The following PCDH9 variants were observed in gnomAD, a reference collection of about 807,000 sequenced individuals.
PCDH9 encodes the protein protocadherin 9.
Under a neutral mutation model 70.6 loss-of-function variants are expected in PCDH9, and 24 were observed. The ratio of observed to expected loss-of-function variants is 0.34; its 90% CI spans 0.25 to 0.48. The LOEUF is 0.48. Ranked by LOEUF, PCDH9 falls within the 20% of genes least tolerant of loss-of-function variation. The probability of loss-of-function intolerance (pLI) is 0.99; values close to 1 mark genes in which losing one functional copy is unlikely to be tolerated. For missense variants in PCDH9, 1,281 were observed against 1,503.6 expected, an observed-to-expected ratio of 0.85 and a Z score of 2.45; for synonymous variants, 562 against 558.5, an observed-to-expected ratio of 1.01 and a Z score of -0.09.
intron 2 of PCDH9, among the ~76,000 whole-genome samples, chr13:66,904,194 A>C (rs751299201): frequency 2.0e-5 from 3 of 152,054 alleles, no homozygotes; most frequent in Non-Finnish European, 4.4e-5. Flanking sequence ...TTTTCTACTA[A>C]ATAGAAAGCA....
intron 3 of PCDH9, among the ~76,000 whole-genome samples, chr13:66,759,590 A>T (rs1031641928): frequency 2.7e-5 from 4 of 150,776 alleles, no homozygotes; most frequent in African/African-American, 7.3e-5. Flanking sequence ...TTTCTTCCTC[A>T]TTTAGTTTGT....
intron 4 of PCDH9, among the ~76,000 whole-genome samples, chr13:66,340,604 G>T (rs1381381922): frequency 6.6e-6 from 1 of 152,148 alleles, no homozygotes; most frequent in East Asian, 1.9e-4. Flanking sequence ...CACTTCACAT[G>T]CTGACTTGCT....
At chr13:67,180,893 C>T (rs910109849) in intron 2 of PCDH9, among the ~76,000 whole-genome samples, 8 of 152,104 alleles carry the variant, frequency 5.3e-5, no homozygotes, top group Non-Finnish European at 8.8e-5. Context: ...GATAGCAATC[C>T]AAATGTATTT....
Position 67,226,148 on chromosome 13 carries a change from G to A in PCDH9, c.2293C>T (p.His765Tyr). Reference protein sequence around the residue: ...ISDLGYPKSLHTLVLVFLYVN... With the variant: ...ISDLGYPKSLYTLVLVFLYVN... The stretch of plus-strand genomic sequence containing the variant: ...TAAAGGAATACAAGCACAAGCGTGT[G>A]CAAAGACTTAGGGTACCCCAGGTCA... The change falls in exon 2 of 5, where the codon CAC (histidine) becomes TAC (tyrosine). Residue 765 changes from histidine to tyrosine, a missense_variant. By Grantham distance (83) the His-to-Tyr change is moderately conservative. Coordinates refer to ENST00000377865, the MANE Select transcript of PCDH9 (RefSeq NM_203487.3). This position sits in a 1 kb window ranked among gnomAD's most constrained non-coding sequence, Gnocchi z 5.0. 2 of 1,614,146 alleles carry A rather than the reference G, an allele frequency of 1.2e-6. No individual in the cohort carries two copies. Among genetic ancestry groups the A allele is most frequent in the Non-Finnish European group, 1.7e-6 (2 of 1,180,034 alleles).
chr13:66,406,234 T>C (rs188780777), intron 4 of PCDH9, among the ~76,000 whole-genome samples: 1 of 152,304 alleles, frequency 6.6e-6, no homozygotes, highest in East Asian at 1.9e-4. Flanking sequence ...GTGGTTCACC[T>C]TTGTTCTGAC....
At chr13:66,877,901 C>A (rs188178102) in intron 3 of PCDH9, among the ~76,000 whole-genome samples, 1 of 152,188 alleles carries the variant, frequency 6.6e-6, no homozygotes, top group Non-Finnish European at 1.5e-5. Context: ...TCCCACCAGC[C>A]CTTTCACCTT....
intron 3 of PCDH9, among the ~76,000 whole-genome samples, chr13:66,727,870 G>T (rs763707406): frequency 2.6e-5 from 4 of 152,070 alleles, no homozygotes; most frequent in Non-Finnish European, 5.9e-5. Context: ...TAAGGCATAC[G>T]TAAACTTAGA....
intron 2 of PCDH9, among the ~76,000 whole-genome samples, chr13:67,185,426 T>TA (rs1241405156): frequency 6.6e-6 from 1 of 152,204 alleles, no homozygotes; most frequent in Non-Finnish European, 1.5e-5. Context: ...TAAGAAATTT[T>TA]AAAATGTAGG....
At chr13:66,494,959 A>C (rs2138542927) in intron 4 of PCDH9, among the ~76,000 whole-genome samples, 1 of 152,256 alleles carries the variant, frequency 6.6e-6, no homozygotes, top group East Asian at 1.9e-4. Flanking sequence ...AATTTTATTA[A>C]GTGTGATTAT....
intron 3 of PCDH9, among the ~76,000 whole-genome samples, chr13:66,853,871 A>G (rs1451540545): frequency 6.6e-6 from 1 of 152,156 alleles, no homozygotes; most frequent in Non-Finnish European, 1.5e-5. Flanking sequence ...CACCACACCC[A>G]GCTATGAATC....
chr13:66,956,923 G>A (rs1275011608), intron 2 of PCDH9, among the ~76,000 whole-genome samples: 4 of 152,030 alleles, frequency 2.6e-5, no homozygotes, highest in Non-Finnish European at 4.4e-5. Context: ...TCCAATATAT[G>A]AGGCATTTGA....
chr13:66,561,178 AC>A (rs1962006582), intron 4 of PCDH9, among the ~76,000 whole-genome samples: 3 of 152,172 alleles, frequency 2.0e-5, no homozygotes, highest in Non-Finnish European at 2.9e-5. Flanking sequence ...TGGCCCCGCC[AC>A]CGGGGCAGTG....
chr13:67,037,435 C>T (rs1387263901), intron 2 of PCDH9, among the ~76,000 whole-genome samples: 1 of 152,132 alleles, frequency 6.6e-6, no homozygotes, highest in Non-Finnish European at 1.5e-5. Context: ...AACTTTTCTA[C>T]TCCAAAAGTG....
intron 2 of PCDH9, among the ~76,000 whole-genome samples, chr13:67,041,463 A>C (rs955638857): frequency 1.3e-5 from 2 of 152,176 alleles, no homozygotes; most frequent in African/African-American, 4.8e-5. Context: ...TCTCTCCCTG[A>C]AGCTGTAAAA....
intron 4 of PCDH9, among the ~76,000 whole-genome samples, chr13:66,429,430 G>GTTTTTTTTTTTTTTTTTTTTT (rs5804281): frequency 6.9e-6 from 1 of 144,972 alleles, no homozygotes. Flanking sequence ...TATTTTTTCT[G>GTTTTTTTTTTTTTTTTTTTTT]TTTTTTTTTT....
intron 3 of PCDH9, among the ~76,000 whole-genome samples, chr13:66,873,311 A>G (rs2081732439): frequency 6.6e-6 from 1 of 152,198 alleles, no homozygotes; most frequent in African/African-American, 2.4e-5. Context: ...ACATTTTTAT[A>G]TATTTAAAAT....
intron 3 of PCDH9, among the ~76,000 whole-genome samples, chr13:66,728,329 T>G (rs2079031684): frequency 1.3e-5 from 2 of 152,176 alleles, no homozygotes; most frequent in South Asian, 4.1e-4. Flanking sequence ...TCATTCAACA[T>G]ATACATTTTA....
At chr13:66,390,176 C>G (rs776522113) in intron 4 of PCDH9, among the ~76,000 whole-genome samples, 17 of 152,108 alleles carry the variant, frequency 1.1e-4, no homozygotes, top group Non-Finnish European at 1.3e-4. Context: ...ATATATTTCC[C>G]CAGTGAAATG....
intron 3 of PCDH9, among the ~76,000 whole-genome samples, chr13:66,766,738 T>G (rs2079723849): frequency 6.6e-6 from 1 of 151,942 alleles, no homozygotes; most frequent in Admixed American, 6.6e-5. Flanking sequence ...GTTTGGAAAG[T>G]TCGGTTATTG....
Sources: allele counts gnomAD v4.1 joint callset (sites outside exome capture counted in the v4.1 genomes callset), GRCh38; gene constraint gnomAD v4.1.1; non-coding constraint Gnocchi (gnomAD v3.1); transcripts MANE v1.5; gene names NCBI Gene and HGNC (gene_info 2026-07-23, HGNC 2026-07-21).